The following PHACTR2 variants were observed in gnomAD, a reference collection of about 807,000 sequenced individuals.
PHACTR2 encodes chromosome 6 open reading frame 56.
A neutral mutation model predicts 76.0 loss-of-function variants in PHACTR2; 30 were observed. That is an observed-to-expected ratio of 0.39 (90% CI 0.30 to 0.54). The LOEUF is 0.54. Ranked by LOEUF, PHACTR2 falls within the 20% of genes least tolerant of loss-of-function variation. The pLI, the probability that PHACTR2 is intolerant of heterozygous loss-of-function variation, is 0.61. For synonymous variants in PHACTR2, 292 were observed against 292.5 expected (o/e 1.00, Z 0.02); for missense variants, 696 against 781.1 (o/e 0.89, Z 1.30).
chr6:143,810,637 C>A, intron 12 of PHACTR2: 1 of 430,376 alleles, frequency 2.3e-6, no homozygotes, highest in Non-Finnish European at 4.7e-6. Flanking sequence ...CTCTACCAGC[C>A]TGGTCAACAT....
intron 4 of PHACTR2, among the ~76,000 whole-genome samples, chr6:143,756,819 G>A (rs886344096): frequency 5.3e-5 from 8 of 152,160 alleles, no homozygotes; most frequent in African/African-American, 4.8e-5. Context: ...AGGCCAAGGC[G>A]GGCAGATCAG....
At chr6:143,815,291 C>T (rs1776273957) in intron 12 of PHACTR2, among the ~76,000 whole-genome samples, 1 of 152,150 alleles carries the variant, frequency 6.6e-6, no homozygotes, top group African/African-American at 2.4e-5. Flanking sequence ...TTAAGAGAGC[C>T]TCTTCCTTTG....
At chr6:143,768,504 C>T (rs1196032780) in intron 6 of PHACTR2, among the ~76,000 whole-genome samples, 1 of 152,156 alleles carries the variant, frequency 6.6e-6, no homozygotes, top group Non-Finnish European at 1.5e-5. Context: ...GAATAAGGTG[C>T]AACATGTAAA....
intron 1 of PHACTR2, among the ~76,000 whole-genome samples, chr6:143,542,882 G>A (rs1461207235): frequency 6.6e-6 from 1 of 152,230 alleles, no homozygotes; most frequent in Non-Finnish European, 1.5e-5. Context: ...TGTGGAGCAT[G>A]AAGTCACAGT....
chr6:143,640,617 C>T (rs1776547983), intron 1 of PHACTR2, among the ~76,000 whole-genome samples: 1 of 152,178 alleles, frequency 6.6e-6, no homozygotes, highest in African/African-American at 2.4e-5. Flanking sequence ...AAACATTTTC[C>T]CTTTCTGTTT....
At chr6:143,660,453 C>T in intron 1 of PHACTR2, among the ~76,000 whole-genome samples, 1 of 152,052 alleles carries the variant, frequency 6.6e-6, no homozygotes, top group East Asian at 1.9e-4. Flanking sequence ...AAAGAGACTC[C>T]CCCATGATTC....
At chr6:143,770,074 A>T (rs1033813268) in intron 6 of PHACTR2, among the ~76,000 whole-genome samples, 1 of 152,214 alleles carries the variant, frequency 6.6e-6, no homozygotes, top group Non-Finnish European at 1.5e-5. Context: ...ATTATTCACA[A>T]TAGCCAAAAG....
rs2128457551 is a variant in PHACTR2, at chr6:143,697,446, C to G, written c.47-14570C>G. On this transcript the variant is annotated intron_variant, in intron 1 of 12. Coordinates refer to ENST00000440869, the MANE Select transcript of PHACTR2 (RefSeq NM_001100164.2). This position sits in a 1 kb window ranked among gnomAD's most constrained non-coding sequence, Gnocchi z 4.4. ...CATCACCGGGTGAAAATAGAAACTT[C>G]TTAAAAGACAATTTCACATATAAAT... 6.6e-6 allele frequency among the ~76,000 whole-genome samples: 1 copy of G among 152,322 alleles called. No individual in the cohort carries two copies. The highest frequency in any genetic ancestry group is 1.9e-4 in the East Asian group (1 of 5,190).
In PHACTR2 at chr6:143,618,661, A is replaced by G. The variant is rs974972679; in HGVS notation, c.13+10339A>G. ...AACTGCCCCTCCTGCTCCAGCCCCC[A>G]CCATTTCTCCCCAGACCCTCTCACT... On this transcript the variant is annotated intron_variant, in intron 1 of 11. Coordinates refer to the PHACTR2 transcript ENST00000305766. The surrounding 1 kb of genome is among the most constrained non-coding windows in gnomAD (Gnocchi z 5.2). Among the ~76,000 whole-genome samples, 21 of 151,988 alleles carry G rather than the reference A, an allele frequency of 1.4e-4. No individual in the cohort carries two copies. Among genetic ancestry groups the G allele is most frequent in the African/African-American group, 4.8e-4 (20 of 41,430 alleles).
chr6:143,541,862 C>G lies in PHACTR2; in HGVS notation c.217+4655C>G, dbSNP rs1781174666. On this transcript the variant is annotated intron_variant, in intron 1 of 11. Coordinates refer to the PHACTR2 transcript ENST00000367584. This position sits in a 1 kb window ranked among gnomAD's most constrained non-coding sequence, Gnocchi z 5.3. ...GCTGGTGCTTCTACTATGTTTCTTA[C>G]TGACCTCCAAGGTTGTAACTCTTTG... Among the ~76,000 whole-genome samples the G allele has an allele frequency of 6.6e-6, 1 of 152,200 alleles. No individual in the cohort carries two copies. The highest frequency in any genetic ancestry group is 1.5e-5 in the Non-Finnish European group (1 of 68,044).
chr6:143,770,877 T>A (rs996091240), intron 6 of PHACTR2, among the ~76,000 whole-genome samples: 1 of 150,872 alleles, frequency 6.6e-6, no homozygotes, highest in East Asian at 1.9e-4. Context: ...GGCTAAATAA[T>A]AGAAAATTAT....
chr6:143,750,019 C>T lies in PHACTR2; in HGVS notation c.295+954C>T. 6.6e-6 allele frequency among the ~76,000 whole-genome samples: 1 copy of T among 152,052 alleles called. No homozygotes were observed. The highest frequency in any genetic ancestry group is 6.6e-5 in the Admixed American group (1 of 15,262). On this transcript the variant is annotated intron_variant, in intron 3 of 12. Transcript: ENST00000440869. The surrounding 1 kb of genome is among the most constrained non-coding windows in gnomAD (Gnocchi z 4.6). ...TACAGCTGTTTTCCTGATATATGTT[C>T]CTTGCAAAGGACTTAACATTTTTTG...
At position 143,639,797 on chromosome 6, in the gene PHACTR2, G is replaced by A. The variant is rs902149791; in HGVS notation, c.13+31475G>A. 6.6e-6 allele frequency among the ~76,000 whole-genome samples: 1 copy of A among 152,170 alleles called. No individual in the cohort carries two copies. Among genetic ancestry groups the A allele is most frequent in the Non-Finnish European group, 1.5e-5 (1 of 68,038 alleles). On this transcript the variant is annotated intron_variant, in intron 1 of 11. Transcript: ENST00000305766. The surrounding 1 kb of genome is among the most constrained non-coding windows in gnomAD (Gnocchi z 5.0). ...ATTGACTATTTACACAGTCACAAAA[G>A]AAGTTTTAAGAACCACTGAAGGGTG...
At chr6:143,810,632 C>T (rs1042233853) in intron 12 of PHACTR2, 3 of 430,112 alleles carry the variant, frequency 7.0e-6, no homozygotes, top group African/African-American at 6.2e-5. Flanking sequence ...GAGTTCTCTA[C>T]CAGCCTGGTC....
rs1776914776 is a variant in PHACTR2, at chr6:143,659,752, A to G, written c.13+51430A>G. On this transcript the variant is annotated intron_variant, in intron 1 of 11. Transcript: ENST00000305766. The surrounding 1 kb of genome is among the most constrained non-coding windows in gnomAD (Gnocchi z 5.0). ...TAAGAAGCATTTATTGTAGTACCTC[A>G]GTTAGTCAAATATTTCCTTCCTCCA... Among the ~76,000 whole-genome samples, 1 of 152,214 alleles carries G rather than the reference A, an allele frequency of 6.6e-6. No individual in the cohort carries two copies. The highest frequency in any genetic ancestry group is 6.5e-5 in the Admixed American group (1 of 15,284).
rs989325390 is a variant in PHACTR2, at chr6:143,589,860, C to T, written c.217+52653C>T. Among the ~76,000 whole-genome samples the T allele has an allele frequency of 3.9e-5, 6 of 152,206 alleles. No homozygotes were observed. Among genetic ancestry groups the T allele is most frequent in the Non-Finnish European group, 7.3e-5 (5 of 68,038 alleles). The stretch of plus-strand genomic sequence containing the variant: ...GAAGATGACGATACACATCCCAGCT[C>T]ATTCTAGAACCAGGCAAGGATAATA... On this transcript the variant is annotated intron_variant, in intron 1 of 11. Transcript: ENST00000367584. This position sits in a 1 kb window ranked among gnomAD's most constrained non-coding sequence, Gnocchi z 4.4.
chr6:143,643,737 G>A (rs1776607178), intron 1 of PHACTR2, among the ~76,000 whole-genome samples: 1 of 152,122 alleles, frequency 6.6e-6, no homozygotes, highest in Non-Finnish European at 1.5e-5. Context: ...AAACCTCTAG[G>A]TATCTTTTAA....
At chr6:143,614,684 GT>G (rs1023058761) in intron 1 of PHACTR2, among the ~76,000 whole-genome samples, 1 of 152,086 alleles carries the variant, frequency 6.6e-6, no homozygotes, top group Non-Finnish European at 1.5e-5. Context: ...GTGCTTGATT[GT>G]TTAGAAATTA....
In PHACTR2 at chr6:143,806,931, T is replaced by C; in HGVS notation, c.1846-126T>C. ...ATGATCTCGCCACTCCACTCCAGCT[T>C]GGATGACAGAGCGAGACTCTATCTC... On this transcript the variant is annotated intron_variant, in intron 11 of 12. Coordinates refer to ENST00000440869, the MANE Select transcript of PHACTR2 (RefSeq NM_001100164.2). This position sits in a 1 kb window ranked among gnomAD's most constrained non-coding sequence, Gnocchi z 5.8. The C allele has an allele frequency of 1.9e-6, 1 of 536,918 alleles. No homozygotes were observed. Among genetic ancestry groups the C allele is most frequent in the Non-Finnish European group, 3.4e-6 (1 of 297,972 alleles). The allele number at this position is 536,918 out of a possible 1,614,324, so 33.3% of individuals were successfully genotyped here. A position where few individuals can be genotyped will look rare whatever the true frequency, so the allele number is the denominator to read the frequency against.
Sources: gnomAD v4.1 joint callset for allele counts (sites outside exome capture counted in the v4.1 genomes callset) on GRCh38, gnomAD v4.1.1 for gene constraint, Gnocchi (gnomAD v3.1) non-coding constraint, MANE v1.5 for transcripts, NCBI Gene and HGNC (gene_info 2026-07-23, HGNC 2026-07-21) for gene names.